The following GOLGA8A variants were observed in gnomAD, a reference collection of about 807,000 sequenced individuals.
GOLGA8A encodes golgin A8 family member A, also known as golgin subfamily A member 8A.
GOLGA8A carries 3 observed loss-of-function variants against 22.1 expected under a neutral mutation model. The ratio of observed to expected loss-of-function variants is 0.14; its 90% CI spans 0.06 to 0.35. The LOEUF is 0.35. GOLGA8A is among the 10% of genes least tolerant of loss of function. The probability of loss-of-function intolerance (pLI) is 1.00; values close to 1 mark genes in which losing one functional copy is unlikely to be tolerated. For synonymous variants in GOLGA8A, 7 were observed against 91.7 expected (o/e 0.08, Z 5.28); for missense variants, 16 against 233.2 (o/e 0.07, Z 6.07).
Position 34,380,659 on chromosome 15 carries a change from A to C in GOLGA8A, c.*752T>G, listed in dbSNP as rs1891438750. 1 of 154,290 alleles carries C rather than the reference A, an allele frequency of 6.5e-6. No individual in the cohort carries two copies. The highest frequency in any genetic ancestry group is 1.4e-5 in the Non-Finnish European group (1 of 69,094). 9.6% of individuals were successfully genotyped at this position (154,290 alleles called of 1,614,324 possible). On this transcript the variant is annotated 3_prime_UTR_variant, in exon 25 of 25. Transcript: ENST00000359187. ...CGATGCAATATCTTCATGAGCCCAG[A>C]GCACATACAAATCCAAAGGGAACTG...
intron 8 of GOLGA8A, among the ~76,000 whole-genome samples, chr15:34,397,509 T>C (rs1434491123): frequency 6.7e-5 from 10 of 148,650 alleles, no homozygotes; most frequent in Non-Finnish European, 1.4e-4. Flanking sequence ...AAACATTCAT[T>C]GTTTCTGATA....
intron 5 of GOLGA8A, 89 bp from the exon 6 acceptor site, chr15:34,400,848 C>G (rs542482840): frequency 7.3e-6 from 1 of 137,000 alleles, no homozygotes; most frequent in Non-Finnish European, 1.7e-5. Flanking sequence ...CAAAAATATA[C>G]ACACAAAAAG....
rs1277696464 is a variant in GOLGA8A at position 34,422,686 on chromosome 15, C to T, written c.-1123+12697G>A. On this transcript the variant is annotated intron_variant, in intron 2 of 24. Coordinates refer to ENST00000359187, the MANE Select transcript of GOLGA8A (RefSeq NM_181077.5). The stretch of plus-strand genomic sequence containing the variant: ...CCCTCTGCCATGCCTGCTACTTGGC[C>T]TTGTGTACGCTCGCGCTCGTGCGCT... Among the ~76,000 whole-genome samples the T allele has an allele frequency of 2.3e-5, 2 of 85,532 alleles. 1 individual carries two copies. Among genetic ancestry groups the T allele is most frequent in the Non-Finnish European group, 5.9e-5 (2 of 34,134 alleles). 56.1% of individuals were successfully genotyped at this position (85,532 alleles called of 152,430 possible).
At chr15:34,428,558 C>T (rs78109662) in intron 2 of GOLGA8A, 1 of 149,078 alleles carries the variant, frequency 6.7e-6, no homozygotes, top group South Asian at 2.2e-4. Flanking sequence ...CCCACCTCCA[C>T]ACCATGCTAG....
At position 34,426,236 on chromosome 15, in the gene GOLGA8A, A is replaced by C. The variant is rs543800823; in HGVS notation, c.-1123+9147T>G. 7.9e-4 allele frequency among the ~76,000 whole-genome samples: 119 copies of C among 150,008 alleles called. 12 individuals carry two copies. Among genetic ancestry groups the C allele is most frequent in the Non-Finnish European group, 1.5e-3 (104 of 67,334 alleles). ...TAAATAAACAGTCACATATTATGCA[A>C]GCGTCAGAATAACGCTGCTTGCGCA... On this transcript the variant is annotated intron_variant, in intron 2 of 24. Coordinates refer to ENST00000359187, the MANE Select transcript of GOLGA8A (RefSeq NM_181077.5).
At chr15:34,398,935 G>A in intron 7 of GOLGA8A, among the ~76,000 whole-genome samples, 1 of 132,842 alleles carries the variant, frequency 7.5e-6, no homozygotes, top group Admixed American at 7.6e-5. Context: ...GAGCAAATTA[G>A]AACCTTAAAT....
At position 34,428,425 on chromosome 15, in the gene GOLGA8A, C is replaced by T. The variant is rs148448991; in HGVS notation, c.-1123+6958G>A. ...TCACATTTCTAAGGAGCCTAACAAG[C>T]AGCAGGCCTTTCCAGTTACAGCGCA... On this transcript the variant is annotated intron_variant, in intron 2 of 24. Coordinates refer to ENST00000359187, the MANE Select transcript of GOLGA8A (RefSeq NM_181077.5). Among the ~76,000 whole-genome samples the T allele has an allele frequency of 4.3e-4, 64 of 147,760 alleles. 3 individuals are homozygous for T. Among genetic ancestry groups the T allele is most frequent in the Middle Eastern group, 6.9e-3 (2 of 290 alleles).
intron 2 of GOLGA8A, among the ~76,000 whole-genome samples, chr15:34,429,732 T>TA (rs1462700999): frequency 6.8e-6 from 1 of 146,528 alleles, no homozygotes; most frequent in East Asian, 2.1e-4. Context: ...CACGGCTGGA[T>TA]AGATGGACAG....
rs1892850527 is a variant in GOLGA8A at position 34,423,138 on chromosome 15, C to T, written c.-1123+12245G>A. Among the ~76,000 whole-genome samples, 2 of 125,046 alleles carry T rather than the reference C, an allele frequency of 1.6e-5. 1 individual carries two copies. Among genetic ancestry groups the T allele is most frequent in the African/African-American group, 5.6e-5 (2 of 35,624 alleles). 82.0% of individuals were successfully genotyped at this position (125,046 alleles called of 152,430 possible). A position where few individuals can be genotyped will look rare whatever the true frequency, so the allele number is the denominator to read the frequency against. On this transcript the variant is annotated intron_variant, in intron 2 of 24. Coordinates refer to ENST00000359187, the MANE Select transcript of GOLGA8A (RefSeq NM_181077.5). Reference sequence around the variant, plus strand: ...GTAGGCTCCCTCTCCTCTCCCTCTCCCCTCCATCACACTTCGAACCTTCCT... The same window carrying T: ...GTAGGCTCCCTCTCCTCTCCCTCTCTCCTCCATCACACTTCGAACCTTCCT...
intron 2 of GOLGA8A, chr15:34,418,448 A>ATTTT (rs1253030055): frequency 7.0e-6 from 1 of 143,086 alleles, no homozygotes; most frequent in East Asian, 2.3e-4. Context: ...GTTTTACAAG[A>ATTTT]TTTTTTCTGC....
intron 2 of GOLGA8A, among the ~76,000 whole-genome samples, chr15:34,425,938 GA>G (rs1304913874): frequency 1.4e-5 from 2 of 141,610 alleles, no homozygotes; most frequent in Non-Finnish European, 3.1e-5. Flanking sequence ...AGAGAGCGTC[GA>G]TGTCCAGAGA....
rs181057364 is a variant in GOLGA8A at position 34,433,045 on chromosome 15, C to T, written c.-1123+2338G>A. 1.7e-3 allele frequency among the ~76,000 whole-genome samples: 260 copies of T among 149,264 alleles called. 12 individuals carry two copies. Among genetic ancestry groups the T allele is most frequent in the African/African-American group, 6.1e-3 (249 of 40,570 alleles). ...CTCAAGCCAGAAGACTGGTCCTGGG[C>T]CCCAGGGATTAGTGGCAGGGCCAGG... On this transcript the variant is annotated intron_variant, in intron 2 of 24. Transcript: ENST00000359187.
intron 2 of GOLGA8A, among the ~76,000 whole-genome samples, chr15:34,431,055 G>A (rs935698049): frequency 6.7e-6 from 1 of 148,606 alleles, no homozygotes; most frequent in African/African-American, 2.5e-5. Context: ...CTTCCAGAGA[G>A]ACCTGAGAAA....
Position 34,379,394 on chromosome 15 carries a change from A to G in GOLGA8A, c.*2017T>C, listed in dbSNP as rs1891364079. ...AAATGACTCTTTAAGATACAGTTTT[A>G]AACCCATGGGCTAGAAATCATACGA... On this transcript the variant is annotated 3_prime_UTR_variant, in exon 25 of 25. Transcript: ENST00000359187. 6.6e-6 allele frequency: 1 copy of G among 152,564 alleles called. No individual in the cohort carries two copies. 9.5% of individuals were successfully genotyped at this position (152,564 alleles called of 1,614,324 possible).
intron 2 of GOLGA8A, among the ~76,000 whole-genome samples, chr15:34,433,109 T>G (rs1442042878): frequency 6.7e-6 from 1 of 148,692 alleles, no homozygotes; most frequent in Admixed American, 6.8e-5. Context: ...CCCATCCTCT[T>G]TTCTGACCTC....
chr15:34,433,232 C>G (rs563890374), intron 2 of GOLGA8A, among the ~76,000 whole-genome samples: 1 of 149,086 alleles, frequency 6.7e-6, no homozygotes, highest in East Asian at 2.0e-4. Flanking sequence ...GGCTGAGAGC[C>G]CTGGGACAGA....
At chr15:34,423,373 T>C (rs949889146) in intron 2 of GOLGA8A, among the ~76,000 whole-genome samples, 3 of 133,990 alleles carry the variant, frequency 2.2e-5, no homozygotes, top group African/African-American at 8.4e-5. Flanking sequence ...GGCTGCTTTA[T>C]CTCATAAGAT....
chr15:34,431,944 A>C (rs1893274746), intron 2 of GOLGA8A, among the ~76,000 whole-genome samples: 1 of 148,944 alleles, frequency 6.7e-6, no homozygotes, highest in Non-Finnish European at 1.5e-5. Context: ...GTGATGCATG[A>C]CAGTACATAT....
chr15:34,431,348 TCACA>T lies in GOLGA8A; in HGVS notation c.-1123+4031_-1123+4034del, dbSNP rs140394984. Among the ~76,000 whole-genome samples, 5 of 108,864 alleles carry T rather than the reference TCACA, an allele frequency of 4.6e-5. 1 individual carries two copies. Among genetic ancestry groups the T allele is most frequent in the South Asian group, 3.6e-4 (1 of 2,798 alleles). 71.4% of individuals were successfully genotyped at this position (108,864 alleles called of 152,430 possible). On this transcript the variant is annotated intron_variant, in intron 2 of 24. Transcript: ENST00000359187. ...ATATATATATATATATATATATATC[TCACA>T]CACACACACTCGTGTCACTTAACGA...
Sources: gnomAD v4.1 joint callset for allele counts (sites outside exome capture counted in the v4.1 genomes callset) on GRCh38, gnomAD v4.1.1 for gene constraint, MANE v1.5 for transcripts, NCBI Gene and HGNC (gene_info 2026-07-23, HGNC 2026-07-21) for gene names.